The following ARHGAP24 variants were observed in gnomAD, a reference collection of about 807,000 sequenced individuals.
The protein encoded by ARHGAP24 is rho GTPase-activating protein 24.
Under a neutral mutation model 76.4 loss-of-function variants are expected in ARHGAP24, and 50 were observed. That is an observed-to-expected ratio of 0.65 (90% CI 0.52 to 0.83). ARHGAP24 has a LOEUF of 0.83. Among genes scored for constraint, ARHGAP24 ranks in the 40% least tolerant of loss-of-function variants. The pLI is 0.00. For synonymous variants in ARHGAP24, 345 were observed against 323.3 expected (o/e 1.07, Z -0.72); for missense variants, 930 against 914.2 (o/e 1.02, Z -0.22).
At chr4:85,789,862 T>G (rs547319025) in intron 3 of ARHGAP24, among the ~76,000 whole-genome samples, 12 of 152,310 alleles carry the variant, frequency 7.9e-5, no homozygotes, top group African/African-American at 2.9e-4. Flanking sequence ...TTTTGTCTTC[T>G]AAGACTATTG....
chr4:85,886,250 A>T (rs917034289), intron 3 of ARHGAP24, among the ~76,000 whole-genome samples: 5 of 152,208 alleles, frequency 3.3e-5, no homozygotes, highest in African/African-American at 9.6e-5. Flanking sequence ...TAAACTTCGC[A>T]GGACAATTAT....
chr4:85,996,355 A>G (rs1740657196), intron 9 of ARHGAP24, among the ~76,000 whole-genome samples: 1 of 152,226 alleles, frequency 6.6e-6, no homozygotes. Flanking sequence ...TTTATAAAGA[A>G]GCAATTATGC....
At chr4:85,909,693 A>G (rs765077994) in intron 3 of ARHGAP24, among the ~76,000 whole-genome samples, 5 of 152,162 alleles carry the variant, frequency 3.3e-5, no homozygotes, top group Non-Finnish European at 7.4e-5. Context: ...CTGGCTGATT[A>G]CTCTTTAATT....
intron 3 of ARHGAP24, among the ~76,000 whole-genome samples, chr4:85,789,636 G>T (rs910568589): frequency 2.6e-5 from 4 of 152,178 alleles, no homozygotes; most frequent in Non-Finnish European, 4.4e-5. Context: ...TATAGAGAAT[G>T]TCAGGTATTC....
At chr4:85,560,163 A>C (rs772225151) in intron 1 of ARHGAP24, among the ~76,000 whole-genome samples, 1 of 152,136 alleles carries the variant, frequency 6.6e-6, no homozygotes, top group Non-Finnish European at 1.5e-5. Flanking sequence ...TCAGGTTATC[A>C]GCATGGGGAA....
intron 1 of ARHGAP24, among the ~76,000 whole-genome samples, chr4:85,488,506 C>T (rs72970783): frequency 0.014 from 2,190 of 152,120 alleles, 56 homozygotes; most frequent in African/African-American, 0.05. Context: ...AGAATAAAAG[C>T]CTGCTTAGAA....
chr4:85,972,463 T>C (rs1014238986), intron 6 of ARHGAP24: 11 of 396,212 alleles, frequency 2.8e-5, no homozygotes, highest in Non-Finnish European at 4.7e-5. Context: ...ACAAAAGAAG[T>C]GACTGCTGTG....
At chr4:85,960,305 G>A (rs1334035985) in intron 5 of ARHGAP24, among the ~76,000 whole-genome samples, 2 of 152,098 alleles carry the variant, frequency 1.3e-5, no homozygotes, top group African/African-American at 4.8e-5. Context: ...CCGTGTTAAG[G>A]AAATGGTTAC....
rs1391962616 is a variant in ARHGAP24 at position 85,882,896 on chromosome 4, G to A, written c.269-40752G>A. Among the ~76,000 whole-genome samples the A allele has an allele frequency of 2.0e-5, 3 of 152,132 alleles. No individual in the cohort carries two copies. In the East Asian group the frequency reaches 5.8e-4, roughly 29 times the overall value. The stretch of plus-strand genomic sequence containing the variant: ...AGAGCAGATTAGAGATGATAGTGTT[G>A]GGCAGGACACAACTTGGCACTGCTT... On this transcript the variant is annotated intron_variant, in intron 3 of 9. Transcript: ENST00000395184.
intron 2 of ARHGAP24, among the ~76,000 whole-genome samples, chr4:85,621,651 AT>A: frequency 6.6e-6 from 1 of 152,076 alleles, no homozygotes; most frequent in South Asian, 2.1e-4. Flanking sequence ...TTCTTTATAG[AT>A]TATGGATCTA....
chr4:85,709,020 G>A (rs1724421782), intron 2 of ARHGAP24, among the ~76,000 whole-genome samples: 1 of 152,146 alleles, frequency 6.6e-6, no homozygotes, highest in Admixed American at 6.6e-5. Context: ...CATTTAATCA[G>A]CCATTCAGTA....
intron 1 of ARHGAP24, among the ~76,000 whole-genome samples, chr4:85,551,595 G>C (rs1297425143): frequency 1.3e-5 from 2 of 152,150 alleles, no homozygotes; most frequent in Non-Finnish European, 2.9e-5. Context: ...TTTTGGAATA[G>C]TTTCAATAGA....
chr4:85,504,203 G>A (rs914929128), intron 1 of ARHGAP24, among the ~76,000 whole-genome samples: 5 of 152,224 alleles, frequency 3.3e-5, no homozygotes, highest in Non-Finnish European at 7.3e-5. Context: ...GTTGATTTAG[G>A]GTGGAGAGTT....
chr4:85,532,626 A>G (rs976412587), intron 1 of ARHGAP24, among the ~76,000 whole-genome samples: 1 of 152,164 alleles, frequency 6.6e-6, no homozygotes, highest in Admixed American at 6.5e-5. Context: ...TGATCTTTGA[A>G]AGAGGAAACC....
intron 2 of ARHGAP24, among the ~76,000 whole-genome samples, chr4:85,595,256 C>G (rs1560545801): frequency 1.3e-5 from 2 of 152,052 alleles, no homozygotes; most frequent in South Asian, 4.1e-4. Flanking sequence ...ATGCAGAGAC[C>G]CAGTAGAAGT....
chr4:85,493,897 G>A (rs907354946), intron 1 of ARHGAP24, among the ~76,000 whole-genome samples: 1 of 152,112 alleles, frequency 6.6e-6, no homozygotes, highest in Non-Finnish European at 1.5e-5. Context: ...TTACTAACAA[G>A]AGTACAATAT....
At chr4:85,628,619 G>T (rs1317847725) in intron 2 of ARHGAP24, among the ~76,000 whole-genome samples, 1 of 152,058 alleles carries the variant, frequency 6.6e-6, no homozygotes, top group Non-Finnish European at 1.5e-5. Context: ...TATGATTATT[G>T]TATTGCTGTC....
chr4:85,914,923 C>T (rs1458657400), intron 3 of ARHGAP24, among the ~76,000 whole-genome samples: 1 of 152,170 alleles, frequency 6.6e-6, no homozygotes, highest in Non-Finnish European at 1.5e-5. Context: ...CTCATAGCAG[C>T]CTTCCTCCTA....
At chr4:85,591,851 T>C (rs931673107) in intron 2 of ARHGAP24, among the ~76,000 whole-genome samples, 7 of 152,148 alleles carry the variant, frequency 4.6e-5, no homozygotes, top group Admixed American at 3.3e-4. Flanking sequence ...CTTAGCATGG[T>C]ACCTGGCATA....
Sources: allele counts gnomAD v4.1 joint callset (sites outside exome capture counted in the v4.1 genomes callset), GRCh38; gene constraint gnomAD v4.1.1; transcripts MANE v1.5; gene names NCBI Gene and HGNC (gene_info 2026-07-23, HGNC 2026-07-21).